Variants in ARPP21 observed in about 807,000 individuals in gnomAD.
ARPP21 encodes cAMP-regulated phosphoprotein 21.
ARPP21 carries 69 observed loss-of-function variants against 113.2 expected under a neutral mutation model. The observed-to-expected ratio is 0.61, with a 90% CI of 0.50 to 0.74. The LOEUF (loss-of-function observed/expected upper bound fraction) is 0.74. ARPP21 is among the 30% of genes least tolerant of loss of function. The probability of loss-of-function intolerance (pLI) is 0.00; values close to 1 mark genes in which losing one functional copy is unlikely to be tolerated. For missense variants in ARPP21, 1,070 were observed against 1,037.4 expected (o/e 1.03, Z -0.43); for synonymous variants, 368 against 375.5 (o/e 0.98, Z 0.23).
intron 19 of ARPP21, among the ~76,000 whole-genome samples, chr3:35,754,883 T>G (rs1025122309): frequency 6.6e-6 from 1 of 151,998 alleles, no homozygotes; most frequent in Non-Finnish European, 1.5e-5. Flanking sequence ...AATTATAGCA[T>G]TATCTGTTTT....
At chr3:35,793,277 A>C (rs17033780) in intron 20 of ARPP21, among the ~76,000 whole-genome samples, 5,566 of 152,254 alleles carry the variant, frequency 0.037, 181 homozygotes, top group South Asian at 0.13. Flanking sequence ...TTCACTGTGG[A>C]GGACTCCAGG....
chr3:35,717,429 G>C (rs2092566843), intron 13 of ARPP21, 72 bp downstream of exon 13: 4 of 917,200 alleles, frequency 4.4e-6, no homozygotes, highest in Non-Finnish European at 7.2e-6. Flanking sequence ...AAATATTAGT[G>C]TACTCGTGTA....
chr3:35,762,543 AT>A (rs747394744), intron 19 of ARPP21, among the ~76,000 whole-genome samples: 1 of 152,010 alleles, frequency 6.6e-6, no homozygotes, highest in Non-Finnish European at 1.5e-5. Flanking sequence ...TAAATATTGG[AT>A]TCATAGAGGC....
chr3:35,757,088 A>G (rs1475552703), intron 19 of ARPP21, among the ~76,000 whole-genome samples: 3 of 81,844 alleles, frequency 3.7e-5, no homozygotes, highest in Non-Finnish European at 8.4e-5. Context: ...TTTTTTTTTG[A>G]GACAGGGTCT....
intron 19 of ARPP21, among the ~76,000 whole-genome samples, chr3:35,764,053 T>G (rs757227821): frequency 1.3e-5 from 2 of 151,962 alleles, no homozygotes; most frequent in Non-Finnish European, 2.9e-5. Flanking sequence ...GAGGATTGAA[T>G]TGCTAAGGAT....
intron 1 of ARPP21, among the ~76,000 whole-genome samples, chr3:35,642,733 A>G (rs1287925798): frequency 6.6e-6 from 1 of 152,172 alleles, no homozygotes; most frequent in Non-Finnish European, 1.5e-5. Flanking sequence ...TGCGAATAAA[A>G]TAACTAATAT....
chr3:35,708,481 C>T (rs550732382), intron 10 of ARPP21, among the ~76,000 whole-genome samples: 1 of 152,326 alleles, frequency 6.6e-6, no homozygotes, highest in South Asian at 2.1e-4. Context: ...TCCACATCTT[C>T]CTTTCTGTTA....
chr3:35,720,469 A>G (rs1254461259), intron 13 of ARPP21, among the ~76,000 whole-genome samples: 2 of 152,198 alleles, frequency 1.3e-5, no homozygotes, highest in Non-Finnish European at 1.5e-5. Flanking sequence ...TTGTCTTTAA[A>G]ATATTTTTCA....
At chr3:35,764,969 A>C (rs1431998234) in intron 19 of ARPP21, among the ~76,000 whole-genome samples, 1 of 152,144 alleles carries the variant, frequency 6.6e-6, no homozygotes, top group Non-Finnish European at 1.5e-5. Context: ...TCCATTGATT[A>C]AATGTGAAGT....
At chr3:35,721,297 A>G (rs1418171297) in intron 13 of ARPP21, among the ~76,000 whole-genome samples, 1 of 152,206 alleles carries the variant, frequency 6.6e-6, no homozygotes, top group Non-Finnish European at 1.5e-5. Context: ...TCTATTTGCA[A>G]GAGAAATTAA....
chr3:35,730,809 A>G (rs919370557), intron 15 of ARPP21, among the ~76,000 whole-genome samples: 1 of 152,264 alleles, frequency 6.6e-6, no homozygotes, highest in Admixed American at 6.5e-5. Context: ...CCACATTTTC[A>G]TAAAACATAT....
intron 19 of ARPP21, among the ~76,000 whole-genome samples, chr3:35,784,517 C>T (rs904937668): frequency 6.6e-6 from 1 of 152,214 alleles, no homozygotes; most frequent in African/African-American, 2.4e-5. Flanking sequence ...CATGTGATAG[C>T]ACCAGAAATC....
intron 19 of ARPP21, among the ~76,000 whole-genome samples, chr3:35,766,007 G>A (rs1207436351): frequency 6.6e-6 from 1 of 152,044 alleles, no homozygotes; most frequent in Non-Finnish European, 1.5e-5. Flanking sequence ...ATGTAGCTCT[G>A]GGTACCATGT....
At position 35,742,536 on chromosome 3, in the gene ARPP21, C is replaced by T. The variant is rs149235862; in HGVS notation, c.2011-1303C>T. 7.2e-5 allele frequency among the ~76,000 whole-genome samples: 11 copies of T among 152,326 alleles called. No homozygotes were observed. In the East Asian group the frequency reaches 2.1e-3, roughly 29 times the overall value. On this transcript the variant is annotated intron_variant, in intron 18 of 20. Transcript: ENST00000684406. ...CTTTAGACTCATTCAGCCTCTTGCC[C>T]TTGAATATCCATATGTTATGTAGCC... is the stretch of plus-strand genomic sequence containing the variant.
chr3:35,787,717 G>A (rs1053875830), intron 19 of ARPP21, among the ~76,000 whole-genome samples: 7 of 152,022 alleles, frequency 4.6e-5, no homozygotes, highest in African/African-American at 1.4e-4. Flanking sequence ...TTACTTAATT[G>A]TTTTAAATAT....
intron 6 of ARPP21, among the ~76,000 whole-genome samples, chr3:35,688,957 T>C (rs930695651): frequency 3.3e-5 from 5 of 151,228 alleles, no homozygotes; most frequent in Non-Finnish European, 7.4e-5. Flanking sequence ...GCTCTCTCTG[T>C]AGGTGGGAGT....
chr3:35,760,135 G>A (rs1402220575), intron 19 of ARPP21, among the ~76,000 whole-genome samples: 2 of 152,070 alleles, frequency 1.3e-5, no homozygotes, highest in Non-Finnish European at 2.9e-5. Flanking sequence ...TTATTCAAGA[G>A]GCTGTAAAAA....
At chr3:35,667,966 GAAGAAGA>G (rs2075117682) in intron 1 of ARPP21, among the ~76,000 whole-genome samples, 1 of 103,724 alleles carries the variant, frequency 9.6e-6, no homozygotes, top group Non-Finnish European at 2.1e-5. Context: ...AGAAGAAGAA[GAAGAAGA>G]AGAAGAAGAA....
intron 1 of ARPP21, among the ~76,000 whole-genome samples, chr3:35,644,849 T>TA (rs1699580629): frequency 1.3e-5 from 2 of 152,062 alleles, no homozygotes; most frequent in East Asian, 3.9e-4. Context: ...TATTTTTAAA[T>TA]ATCTTTACAC....
Sources: allele counts gnomAD v4.1 joint callset (sites outside exome capture counted in the v4.1 genomes callset), GRCh38; gene constraint gnomAD v4.1.1; transcripts MANE v1.5; gene names NCBI Gene and HGNC (gene_info 2026-07-23, HGNC 2026-07-21).